Variants in RNLS observed in about 807,000 individuals in gnomAD.
The protein encoded by RNLS is renalase, FAD dependent amine oxidase, also known as renalase.
Under a neutral mutation model 39.8 loss-of-function variants are expected in RNLS, and 39 were observed. That is an observed-to-expected ratio of 0.98 (90% confidence interval 0.76 to 1.28). The LOEUF (loss-of-function observed/expected upper bound fraction) is 1.28, where lower values mean the gene tolerates loss of function less well. Ranked by LOEUF, RNLS falls within the 50% of genes most tolerant of loss-of-function variation. The pLI is 0.00. For missense variants in RNLS, 410 were observed against 413.3 expected, an observed-to-expected ratio of 0.99 and a Z score of 0.07; for synonymous variants, 147 against 150.7, an observed-to-expected ratio of 0.98 and a Z score of 0.18.
At chr10:88,434,071 G>A (rs1855302708) in intron 4 of RNLS, among the ~76,000 whole-genome samples, 1 of 152,134 alleles carries the variant, frequency 6.6e-6, no homozygotes. Flanking sequence ...CTTTGATACA[G>A]CTGGCTCTTT....
At chr10:88,198,465 A>C in the RNLS span, among the ~76,000 whole-genome samples, 1 of 152,218 alleles carries the variant, frequency 6.6e-6, no homozygotes, top group East Asian at 1.9e-4. Flanking sequence ...AAATAGTTTC[A>C]TACGATGCAT....
intron 4 of RNLS, among the ~76,000 whole-genome samples, chr10:88,453,297 G>A (rs1375726895): frequency 6.6e-6 from 1 of 152,210 alleles, no homozygotes; most frequent in South Asian, 2.1e-4. Flanking sequence ...AGGGTCATAT[G>A]TTCAGCTCAA....
the RNLS span, among the ~76,000 whole-genome samples, chr10:88,179,072 A>T: frequency 6.6e-6 from 1 of 152,344 alleles, no homozygotes; most frequent in South Asian, 2.1e-4. Flanking sequence ...AAAGAAAAGG[A>T]CATACATCTC....
intron 4 of RNLS, among the ~76,000 whole-genome samples, chr10:88,557,155 A>G (rs1290034054): frequency 6.6e-6 from 1 of 152,196 alleles, no homozygotes; most frequent in Non-Finnish European, 1.5e-5. Context: ...TCATATTTTC[A>G]TATGCATTTG....
chr10:88,447,971 C>T (rs1842139423), intron 4 of RNLS, among the ~76,000 whole-genome samples: 1 of 152,200 alleles, frequency 6.6e-6, no homozygotes, highest in African/African-American at 2.4e-5. Context: ...AAAGCTATAA[C>T]TGCATCCTTT....
At chr10:88,366,790 C>A (rs1322117275) in intron 4 of RNLS, among the ~76,000 whole-genome samples, 1 of 149,592 alleles carries the variant, frequency 6.7e-6, no homozygotes, top group Non-Finnish European at 1.5e-5. Flanking sequence ...AGGAGAGTAA[C>A]CTTTAGTAAC....
intron 4 of RNLS, among the ~76,000 whole-genome samples, chr10:88,526,685 G>A (rs533258292): frequency 6.6e-6 from 1 of 151,748 alleles, no homozygotes; most frequent in Non-Finnish European, 1.5e-5. Flanking sequence ...AGATCAACTT[G>A]AGCTCAGGAG....
At chr10:88,243,763 C>T in the RNLS span, among the ~76,000 whole-genome samples, 1 of 152,230 alleles carries the variant, frequency 6.6e-6, no homozygotes, top group East Asian at 1.9e-4. Flanking sequence ...CTTCACTTTG[C>T]TGTTGGAAAG....
At chr10:88,526,468 A>C (rs1162385457) in intron 4 of RNLS, among the ~76,000 whole-genome samples, 1 of 152,058 alleles carries the variant, frequency 6.6e-6, no homozygotes, top group Non-Finnish European at 1.5e-5. Context: ...ACAGCAACAA[A>C]ATTTTGGAAG....
chr10:88,435,787 T>A (rs907027658), intron 4 of RNLS, among the ~76,000 whole-genome samples: 2 of 152,178 alleles, frequency 1.3e-5, no homozygotes, highest in Non-Finnish European at 2.9e-5. Flanking sequence ...TATGATCACC[T>A]AGTCCAGTGG....
the RNLS span, among the ~76,000 whole-genome samples, chr10:88,263,406 C>T: frequency 6.6e-6 from 1 of 152,146 alleles, no homozygotes; most frequent in Non-Finnish European, 1.5e-5. Context: ...TTTTATTCTT[C>T]ATATTAACAT....
At chr10:88,291,766 G>A (rs1843685813) in intron 6 of RNLS, among the ~76,000 whole-genome samples, 2 of 152,006 alleles carry the variant, frequency 1.3e-5, no homozygotes. Flanking sequence ...CTCCAAGCCA[G>A]AGACCCTTTA....
chr10:88,355,130 G>A (rs1466918024), intron 5 of RNLS, among the ~76,000 whole-genome samples: 4 of 152,050 alleles, frequency 2.6e-5, no homozygotes, highest in Admixed American at 6.6e-5. Context: ...CTTTTTTCAA[G>A]GTTTTTAACT....
chr10:88,309,032 C>A (rs1023089815), intron 6 of RNLS, among the ~76,000 whole-genome samples: 3 of 152,068 alleles, frequency 2.0e-5, no homozygotes, highest in Admixed American at 6.5e-5. Context: ...CAGAAAACCA[C>A]ATATCACATG....
chr10:88,494,720 T>C (rs528368014), intron 4 of RNLS, among the ~76,000 whole-genome samples: 1 of 152,122 alleles, frequency 6.6e-6, no homozygotes, highest in Non-Finnish European at 1.5e-5. Flanking sequence ...GGCCAACTTG[T>C]GGTACCAATG....
intron 6 of RNLS, among the ~76,000 whole-genome samples, chr10:88,288,150 T>C (rs1416109521): frequency 6.6e-6 from 1 of 152,164 alleles, no homozygotes; most frequent in Non-Finnish European, 1.5e-5. Flanking sequence ...TAGCATTTCT[T>C]GAATGTCCAC....
Position 88,314,464 on chromosome 10 carries a change from A to G in RNLS, c.876+2T>C, listed in dbSNP as rs948546967. 3 of 1,613,470 alleles carry G rather than the reference A, an allele frequency of 1.9e-6. No individual in the cohort carries two copies. The African/African-American group carries it at 4.0e-5, about 22-fold the overall frequency. On this transcript the variant is annotated splice_donor_variant, in intron 6 of 6. Transcript: ENST00000331772. LOFTEE classifies it high-confidence loss of function. ...GCTTAGACCACTGGATTCTTTGATT[A>G]CCTGTGAATGTCTCCATTTTTGGCA... is the stretch of plus-strand genomic sequence containing the variant.
intron 5 of RNLS, among the ~76,000 whole-genome samples, chr10:88,323,174 G>C (rs971582266): frequency 1.3e-5 from 2 of 152,084 alleles, no homozygotes; most frequent in Admixed American, 1.3e-4. Context: ...CTCATACAGA[G>C]GAAGAATCAA....
intron 4 of RNLS, among the ~76,000 whole-genome samples, chr10:88,405,406 T>C (rs986032714): frequency 1.3e-5 from 2 of 152,098 alleles, no homozygotes; most frequent in African/African-American, 4.8e-5. Flanking sequence ...TGTTTAGGAC[T>C]GTGATATTTT....
Sources: allele counts gnomAD v4.1 joint callset (sites outside exome capture counted in the v4.1 genomes callset), GRCh38; gene constraint gnomAD v4.1.1; transcripts MANE v1.5; gene names NCBI Gene and HGNC (gene_info 2026-07-23, HGNC 2026-07-21).